The following STIM1 variants were observed in gnomAD, a reference collection of about 807,000 sequenced individuals.
STIM1 encodes stromal interaction molecule 1.
Under a neutral mutation model 74.7 loss-of-function variants are expected in STIM1, and 25 were observed. That is an observed-to-expected ratio of 0.33 (90% CI 0.24 to 0.47). STIM1 has a LOEUF of 0.47. STIM1 is among the 20% of genes least tolerant of loss of function. The pLI is 1.00. For synonymous variants in STIM1, 328 were observed against 348.8 expected (o/e 0.94, Z 0.66); for missense variants, 728 against 920.8 (o/e 0.79, Z 2.71).
At chr11:4,067,410 T>TG (rs990777785) in intron 5 of STIM1, among the ~76,000 whole-genome samples, 7 of 152,090 alleles carry the variant, frequency 4.6e-5, no homozygotes, top group Non-Finnish European at 1.0e-4. Context: ...GGATATTGTG[T>TG]GGGGGAAAAC....
At chr11:4,042,375 C>G (rs1445632571) in intron 3 of STIM1, among the ~76,000 whole-genome samples, 1 of 152,142 alleles carries the variant, frequency 6.6e-6, no homozygotes, top group Admixed American at 6.5e-5. Context: ...CCCCTTATGG[C>G]TTAATTGTTC....
intron 2 of STIM1, among the ~76,000 whole-genome samples, chr11:3,991,613 T>C (rs1329391533): frequency 6.6e-6 from 1 of 152,068 alleles, no homozygotes; most frequent in Non-Finnish European, 1.5e-5. Flanking sequence ...ATGGAATTGC[T>C]GGATCGAATG....
At chr11:3,867,007 G>A (rs1039792163) in intron 1 of STIM1, 1 of 152,152 alleles carries the variant, frequency 6.6e-6, no homozygotes, top group African/African-American at 2.4e-5. Flanking sequence ...GTGCCCAGTA[G>A]ATATTTGTTG....
At chr11:4,086,656 C>A in intron 12 of STIM1, 113 bp downstream of exon 12, 1 of 1,553,774 alleles carries the variant, frequency 6.4e-7, no homozygotes, top group Non-Finnish European at 8.7e-7. Context: ...GACCAGCTCT[C>A]CATCTGCCTC....
chr11:3,888,489 C>A (rs1274161633), intron 1 of STIM1, among the ~76,000 whole-genome samples: 1 of 151,982 alleles, frequency 6.6e-6, no homozygotes, highest in East Asian at 1.9e-4. Flanking sequence ...ATATTATAAC[C>A]CAGGTTTTAA....
chr11:3,938,468 C>T (rs1285457792), intron 1 of STIM1, among the ~76,000 whole-genome samples: 2 of 152,130 alleles, frequency 1.3e-5, no homozygotes, highest in African/African-American at 4.8e-5. Context: ...TAAAACAGGG[C>T]TCCTCAAGAG....
At chr11:3,904,468 C>G (rs1439790320) in intron 1 of STIM1, among the ~76,000 whole-genome samples, 1 of 151,996 alleles carries the variant, frequency 6.6e-6, no homozygotes, top group Admixed American at 6.6e-5. Context: ...TCCCGAATGA[C>G]CTTGTATTTT....
At chr11:4,019,732 G>T (rs948683526) in intron 2 of STIM1, among the ~76,000 whole-genome samples, 1 of 152,196 alleles carries the variant, frequency 6.6e-6, no homozygotes, top group Non-Finnish European at 1.5e-5. Context: ...AATGTATAAT[G>T]ATCAAATTAG....
intron 1 of STIM1, among the ~76,000 whole-genome samples, chr11:3,949,556 T>C (rs748426700): frequency 2.0e-5 from 3 of 152,246 alleles, no homozygotes; most frequent in Non-Finnish European, 4.4e-5. Flanking sequence ...CCTCAGTCAT[T>C]TTTCAACCAG....
intron 1 of STIM1, among the ~76,000 whole-genome samples, chr11:3,962,042 G>C (rs1316889574): frequency 6.6e-6 from 1 of 152,090 alleles, no homozygotes; most frequent in African/African-American, 2.4e-5. Context: ...ACTTAAACTA[G>C]GTGTCTGTAA....
At chr11:4,000,057 C>T (rs370051751) in intron 2 of STIM1, among the ~76,000 whole-genome samples, 8 of 150,928 alleles carry the variant, frequency 5.3e-5, no homozygotes, top group Admixed American at 2.6e-4. Context: ...TGCCCAGGCT[C>T]GCTTAGGTAA....
chr11:3,952,394 C>CATAA (rs1488245804), intron 1 of STIM1, among the ~76,000 whole-genome samples: 8 of 151,990 alleles, frequency 5.3e-5, no homozygotes, highest in African/African-American at 7.2e-5. Flanking sequence ...GACCCTGTCT[C>CATAA]ATAAATAAAT....
intron 4 of STIM1, among the ~76,000 whole-genome samples, chr11:4,058,058 G>A (rs2094304692): frequency 1.3e-5 from 2 of 152,110 alleles, no homozygotes; most frequent in African/African-American, 2.4e-5. Flanking sequence ...CAGTTCATAG[G>A]TTTCTTTGAG....
intron 1 of STIM1, among the ~76,000 whole-genome samples, chr11:3,921,272 A>G (rs2092713862): frequency 6.6e-6 from 1 of 152,228 alleles, no homozygotes; most frequent in Non-Finnish European, 1.5e-5. Context: ...AGAGCAGGTT[A>G]TACTTCGATA....
chr11:3,895,348 G>C (rs1324286531), intron 1 of STIM1, among the ~76,000 whole-genome samples: 1 of 152,250 alleles, frequency 6.6e-6, no homozygotes, highest in Non-Finnish European at 1.5e-5. Context: ...CCAAGAGATT[G>C]GTCTTCTTCC....
intron 2 of STIM1, chr11:3,989,472 G>T (rs2093588573): frequency 3.0e-6 from 2 of 676,170 alleles, no homozygotes. Flanking sequence ...TCCTGGCGGC[G>T]TGGAGGGTGC....
chr11:3,924,221 T>C (rs1413546844), intron 1 of STIM1, among the ~76,000 whole-genome samples: 1 of 148,780 alleles, frequency 6.7e-6, no homozygotes, highest in Non-Finnish European at 1.5e-5. Context: ...TTTTTTGAGA[T>C]GGAGTCTCCC....
chr11:3,930,650 C>T (rs538413511), intron 1 of STIM1, among the ~76,000 whole-genome samples: 16 of 152,274 alleles, frequency 1.1e-4, no homozygotes, highest in East Asian at 9.6e-4. Flanking sequence ...CTTAGCTTGG[C>T]GTACAAGGCA....
chr11:4,022,416 A>G (rs1188826931), intron 2 of STIM1, among the ~76,000 whole-genome samples: 1 of 148,112 alleles, frequency 6.8e-6, no homozygotes, highest in African/African-American at 2.5e-5. Context: ...TCCAATTTTG[A>G]TGCCTTTCTT....
Sources: gnomAD v4.1 joint callset for allele counts (sites outside exome capture counted in the v4.1 genomes callset) on GRCh38, gnomAD v4.1.1 for gene constraint, MANE v1.5 for transcripts, NCBI Gene and HGNC (gene_info 2026-07-23, HGNC 2026-07-21) for gene names.